GCLC: variants seen among roughly 807,000 people sequenced by gnomAD.
GCLC encodes glutamate--cysteine ligase catalytic subunit.
GCLC carries 30 observed loss-of-function variants against 81.5 expected under a neutral mutation model. The observed-to-expected ratio is 0.37, with a 90% CI of 0.28 to 0.50. The LOEUF (loss-of-function observed/expected upper bound fraction) is 0.50. Among genes scored for constraint, GCLC ranks in the 20% least tolerant of loss-of-function variants. The pLI, the probability that GCLC is intolerant of heterozygous loss-of-function variation, is 0.96. For synonymous variants in GCLC, 262 were observed against 273.3 expected (o/e 0.96, Z 0.41); for missense variants, 556 against 777.4 (o/e 0.72, Z 3.39).
rs193011825 is a variant in GCLC at position 53,514,516 on chromosome 6, C to T, written c.561-19G>A. 3.5e-5 allele frequency: 56 copies of T among 1,597,394 alleles called. No individual in the cohort carries two copies. The highest frequency in any genetic ancestry group is 2.7e-4 in the African/African-American group (20 of 74,694). The stretch of plus-strand genomic sequence containing the variant: ...TAAGGTACTAAAACAGACAACCAAA[C>T]GTCATAAATTGGTCACCTAAGAGTC... On this transcript the variant is annotated intron_variant, in intron 4 of 15. Transcript: ENST00000650454.
At chr6:53,526,423 T>G (rs1016755718) in intron 1 of GCLC, among the ~76,000 whole-genome samples, 2 of 152,208 alleles carry the variant, frequency 1.3e-5, no homozygotes, top group African/African-American at 4.8e-5. Context: ...ACCACTAGCA[T>G]AAGATAAAAA....
chr6:53,504,267 A>G (rs939464294), intron 12 of GCLC, among the ~76,000 whole-genome samples: 1 of 151,934 alleles, frequency 6.6e-6, no homozygotes, highest in Non-Finnish European at 1.5e-5. Flanking sequence ...TCGGGGCTGC[A>G]CTAGAATTCC....
At chr6:53,520,995 C>T (rs759941532) in intron 2 of GCLC, 35 bp from the exon 3 acceptor site, 1 of 1,537,688 alleles carries the variant, frequency 6.5e-7, no homozygotes, top group Admixed American at 1.7e-5. Flanking sequence ...CCATCTTATT[C>T]TTTTGCTATA....
intron 1 of GCLC, among the ~76,000 whole-genome samples, chr6:53,525,749 C>T (rs1471066273): frequency 6.6e-6 from 1 of 152,108 alleles, no homozygotes; most frequent in South Asian, 2.1e-4. Context: ...TAAACTTGTG[C>T]AATTAACATA....
chr6:53,526,438 C>A (rs1488547109), intron 1 of GCLC, among the ~76,000 whole-genome samples: 2 of 152,126 alleles, frequency 1.3e-5, no homozygotes, highest in African/African-American at 4.8e-5. Context: ...TAAAAATTTT[C>A]TTTTCTTGCT....
chr6:53,522,355 C>T (rs1581741072), intron 2 of GCLC, 60 bp downstream of exon 2: 1 of 985,494 alleles, frequency 1.0e-6, no homozygotes, highest in South Asian at 1.3e-5. Context: ...TGAGAAAAAA[C>T]TCTATATTCT....
intron 1 of GCLC, chr6:53,523,846 C>T (rs965236595): frequency 3.9e-5 from 6 of 152,176 alleles, no homozygotes; most frequent in Non-Finnish European, 5.9e-5. Context: ...TTTCAGTTAA[C>T]GTTTATTAGC....
intron 1 of GCLC, among the ~76,000 whole-genome samples, chr6:53,539,234 C>T (rs981375813): frequency 2.0e-5 from 3 of 152,166 alleles, no homozygotes; most frequent in African/African-American, 7.2e-5. Flanking sequence ...AGGAATATCC[C>T]CCTTACCTCT....
intron 4 of GCLC, among the ~76,000 whole-genome samples, chr6:53,515,547 G>C (rs1215956753): frequency 6.6e-6 from 1 of 152,248 alleles, no homozygotes; most frequent in Non-Finnish European, 1.5e-5. Flanking sequence ...AGGAGCCTAG[G>C]CTCAGGATGA....
At chr6:53,535,331 A>G (rs1450101094) in intron 1 of GCLC, among the ~76,000 whole-genome samples, 3 of 152,212 alleles carry the variant, frequency 2.0e-5, no homozygotes, top group Non-Finnish European at 4.4e-5. Context: ...CCTGGCCAAC[A>G]TGGCGAAACC....
chr6:53,516,558 A>C (rs1764876247), intron 3 of GCLC, among the ~76,000 whole-genome samples: 1 of 152,184 alleles, frequency 6.6e-6, no homozygotes, highest in Admixed American at 6.5e-5. Flanking sequence ...TCCCTTGGTC[A>C]CATCAGCTGT....
chr6:53,524,439 C>T (rs1763048458), intron 1 of GCLC, among the ~76,000 whole-genome samples: 1 of 152,180 alleles, frequency 6.6e-6, no homozygotes, highest in Admixed American at 6.5e-5. Flanking sequence ...ATTGATTATG[C>T]TTTCATTTCA....
rs1561935516 is a variant in GCLC at position 53,497,658 on chromosome 6, C to CA, written c.*1097dup. 2 of 148,376 alleles carry CA rather than the reference C, an allele frequency of 1.3e-5. No individual in the cohort carries two copies. The highest frequency in any genetic ancestry group is 5.0e-5 in the African/African-American group (2 of 39,950). The allele number at this position is 148,376 out of a possible 1,614,324, so 9.2% of individuals were successfully genotyped here. Reference sequence around the variant, plus strand: ...TGACTTAACTAGTTGAGAAAAAAAACAACAAACTTCAACGCAAAGCTATAA... The same window carrying CA: ...TGACTTAACTAGTTGAGAAAAAAAACAAACAAACTTCAACGCAAAGCTATAA... On this transcript the variant is annotated 3_prime_UTR_variant, in exon 16 of 16. Transcript: ENST00000650454.
intron 1 of GCLC, among the ~76,000 whole-genome samples, chr6:53,532,073 T>C (rs1763180490): frequency 1.3e-5 from 2 of 152,338 alleles, no homozygotes; most frequent in Non-Finnish European, 2.9e-5. Context: ...AGAGCATATG[T>C]TTTCTTTAAA....
rs1764423965 is a variant in GCLC at position 53,498,565 on chromosome 6, T to A, written c.*191A>T. ...AATACATTGTTAATCAAAAATACTT[T>A]ACTATGTACATGTACACTGTATAAA... On this transcript the variant is annotated 3_prime_UTR_variant, in exon 16 of 16. Transcript: ENST00000650454. 2 of 597,660 alleles carry A rather than the reference T, an allele frequency of 3.3e-6. No homozygotes were observed. Among genetic ancestry groups the A allele is most frequent in the Admixed American group, 3.0e-5 (1 of 33,442 alleles). The allele number at this position is 597,660 out of a possible 1,614,324, so 37.0% of individuals were successfully genotyped here.
Position 53,520,964 on chromosome 6 carries a change from C to T in GCLC, c.264-4G>A, listed in dbSNP as rs751324257. The T allele has an allele frequency of 3.0e-5, 49 of 1,609,562 alleles. 1 individual carries two copies. The highest frequency in any genetic ancestry group is 4.5e-5 in the East Asian group (2 of 44,874). On this transcript the variant is annotated splice_region_variant and splice_polypyrimidine_tract_variant and intron_variant, in intron 2 of 15. Transcript: ENST00000650454. ...TGGTCTCCAAAGGGTAGGATGGCTA[C>T]GGAGGAGAAATAACTTAGTTCCATC...
chr6:53,510,408 T>C (rs1764714053), intron 6 of GCLC: 2 of 150,726 alleles, frequency 1.3e-5, no homozygotes, highest in South Asian at 4.2e-4. Flanking sequence ...AAAGATCATA[T>C]AACTTGGTGA....
intron 15 of GCLC, 74 bp from the exon 16 acceptor site, chr6:53,499,041 G>T: frequency 2.2e-6 from 2 of 905,012 alleles, no homozygotes; most frequent in Non-Finnish European, 3.7e-6. Context: ...ATATTTAGTG[G>T]TCAGCATAAA....
chr6:53,542,569 A>G (rs937636573), intron 1 of GCLC, among the ~76,000 whole-genome samples: 1 of 148,072 alleles, frequency 6.8e-6, no homozygotes, highest in Non-Finnish European at 1.5e-5. Flanking sequence ...ACAAAGATGG[A>G]TAAGGGGTGG....
Sources: gnomAD v4.1 joint callset for allele counts (sites outside exome capture counted in the v4.1 genomes callset) on GRCh38, gnomAD v4.1.1 for gene constraint, MANE v1.5 for transcripts, NCBI Gene and HGNC (gene_info 2026-07-23, HGNC 2026-07-21) for gene names.